The following B3GALT1 variants were observed in gnomAD, a reference collection of about 807,000 sequenced individuals.
B3GALT1 encodes UDP-Gal:betaGlcNAc beta 1,3-galactosyltransferase, polypeptide 1.
B3GALT1 carries 10 observed loss-of-function variants against 23.2 expected under a neutral mutation model. The observed-to-expected ratio is 0.43, with a 90% CI of 0.27 to 0.73. The LOEUF (loss-of-function observed/expected upper bound fraction) is 0.73. Ranked by LOEUF, B3GALT1 falls within the 30% of genes least tolerant of loss-of-function variation. The pLI is 0.21. For missense variants in B3GALT1, 299 were observed against 405.4 expected, an observed-to-expected ratio of 0.74 and a Z score of 2.25; for synonymous variants, 156 against 141.5, an observed-to-expected ratio of 1.10 and a Z score of -0.73.
rs1460614606 is a variant in B3GALT1, at chr2:167,387,166, C to T, written c.-511+93832C>T. On this transcript the variant is annotated intron_variant, in intron 1 of 4. Transcript: ENST00000392690. The stretch of plus-strand genomic sequence containing the variant: ...GGCATTAAAAGATATGGTAGGCTGT[C>T]ATTGTTGTCATTAGCATTTTGATCA... 2.0e-5 allele frequency among the ~76,000 whole-genome samples: 3 copies of T among 152,318 alleles called. 1 individual carries two copies. Among genetic ancestry groups the T allele is most frequent in the Non-Finnish European group, 1.5e-5 (1 of 68,032 alleles).
chr2:167,699,791 C>A (rs1331188996), intron 3 of B3GALT1, among the ~76,000 whole-genome samples: 2 of 152,150 alleles, frequency 1.3e-5, no homozygotes, highest in African/African-American at 4.8e-5. Context: ...CGGCTCACTA[C>A]AACCTCCACC....
chr2:167,785,948 T>G (rs181826857), intron 3 of B3GALT1, among the ~76,000 whole-genome samples: 1 of 152,338 alleles, frequency 6.6e-6, no homozygotes, highest in Admixed American at 6.5e-5. Context: ...AGTAGTAAAC[T>G]CTTAACAACT....
At chr2:167,791,934 G>A (rs1056732139) in intron 3 of B3GALT1, among the ~76,000 whole-genome samples, 2 of 151,542 alleles carry the variant, frequency 1.3e-5, no homozygotes, top group Non-Finnish European at 2.9e-5. Flanking sequence ...GCATGTAATA[G>A]ACATGCAGTA....
intron 3 of B3GALT1, among the ~76,000 whole-genome samples, chr2:167,761,153 G>A (rs1040473555): frequency 5.9e-5 from 9 of 152,172 alleles, no homozygotes; most frequent in African/African-American, 2.2e-4. Context: ...TGATAGTTTA[G>A]CCTGTTATCA....
At chr2:167,553,251 G>A (rs918006454) in intron 2 of B3GALT1, among the ~76,000 whole-genome samples, 1 of 152,158 alleles carries the variant, frequency 6.6e-6, no homozygotes, top group Non-Finnish European at 1.5e-5. Flanking sequence ...AATCAGCATC[G>A]TGGTAGGCTT....
At chr2:167,791,721 A>G (rs11695825) in intron 3 of B3GALT1, among the ~76,000 whole-genome samples, 15,450 of 152,138 alleles carry the variant, frequency 0.1, 1,714 homozygotes, top group East Asian at 0.3. Flanking sequence ...CAAGGCTGCT[A>G]TATTCCTATG....
chr2:167,371,809 G>A (rs889703026), intron 1 of B3GALT1, among the ~76,000 whole-genome samples: 7 of 49,206 alleles, frequency 1.4e-4, no homozygotes, highest in Admixed American at 3.4e-4. Context: ...GAAATATTAA[G>A]ATGATATTTT....
chr2:167,532,854 C>G (rs963622093), intron 2 of B3GALT1, among the ~76,000 whole-genome samples: 3 of 96,462 alleles, frequency 3.1e-5, no homozygotes, highest in African/African-American at 4.2e-5. Flanking sequence ...TTTACTGCAT[C>G]TTTTTTTTTT....
chr2:167,574,443 G>A (rs1377278254), intron 2 of B3GALT1, among the ~76,000 whole-genome samples: 6 of 151,564 alleles, frequency 4.0e-5, no homozygotes, highest in Non-Finnish European at 7.4e-5. Context: ...TTGAAAGAAG[G>A]GCTGATTATT....
intron 2 of B3GALT1, chr2:167,631,535 A>G (rs1685444750): frequency 6.6e-6 from 1 of 151,836 alleles, no homozygotes; most frequent in East Asian, 1.9e-4. Context: ...AAAGAGGCCT[A>G]ATACTAATCT....
At chr2:167,361,580 C>T (rs1231409657) in intron 1 of B3GALT1, among the ~76,000 whole-genome samples, 1 of 152,044 alleles carries the variant, frequency 6.6e-6, no homozygotes, top group Non-Finnish European at 1.5e-5. Context: ...AATCCATGAA[C>T]AAAAACTCCA....
chr2:167,716,612 G>T (rs931333493), intron 3 of B3GALT1, among the ~76,000 whole-genome samples: 2 of 152,244 alleles, frequency 1.3e-5, no homozygotes, highest in Non-Finnish European at 2.9e-5. Context: ...ATATAAGAAA[G>T]GGTCATAGTT....
At chr2:167,645,462 TTGAC>T (rs1233141797) in intron 2 of B3GALT1, among the ~76,000 whole-genome samples, 8 of 152,198 alleles carry the variant, frequency 5.3e-5, no homozygotes, top group East Asian at 1.9e-4. Context: ...AAAGCACTGG[TTGAC>T]TGAAGACTAA....
intron 1 of B3GALT1, among the ~76,000 whole-genome samples, chr2:167,339,463 A>G (rs1423874141): frequency 1.3e-5 from 2 of 151,902 alleles, no homozygotes; most frequent in African/African-American, 4.8e-5. Flanking sequence ...TAAGAAAAGT[A>G]AATACTAAAT....
intron 2 of B3GALT1, among the ~76,000 whole-genome samples, chr2:167,610,382 G>A (rs1685038867): frequency 6.6e-6 from 1 of 152,176 alleles, no homozygotes; most frequent in East Asian, 1.9e-4. Flanking sequence ...GTTCCTTGTA[G>A]AAAACCTATC....
chr2:167,418,493 TA>T (rs1202094308), intron 1 of B3GALT1, among the ~76,000 whole-genome samples: 1 of 151,886 alleles, frequency 6.6e-6, no homozygotes, highest in East Asian at 1.9e-4. Context: ...ATCAGTGCCA[TA>T]AAAAAACAAT....
intron 2 of B3GALT1, among the ~76,000 whole-genome samples, chr2:167,508,448 C>A (rs1294106812): frequency 6.6e-6 from 1 of 151,514 alleles, no homozygotes; most frequent in Non-Finnish European, 1.5e-5. Flanking sequence ...TTAGTAGAGA[C>A]GGGGTTTCAC....
chr2:167,586,904 T>C (rs1042647264), intron 2 of B3GALT1, among the ~76,000 whole-genome samples: 2 of 152,204 alleles, frequency 1.3e-5, no homozygotes, highest in African/African-American at 2.4e-5. Flanking sequence ...TGGATTCATA[T>C]AGGAGAGGAG....
At chr2:167,446,372 G>T (rs1307886731) in intron 1 of B3GALT1, among the ~76,000 whole-genome samples, 1 of 152,000 alleles carries the variant, frequency 6.6e-6, no homozygotes, top group Non-Finnish European at 1.5e-5. Context: ...GAGTATCTTT[G>T]TGGCATTCTC....
Sources: allele counts gnomAD v4.1 joint callset (sites outside exome capture counted in the v4.1 genomes callset), GRCh38; gene constraint gnomAD v4.1.1; transcripts MANE v1.5; gene names NCBI Gene and HGNC (gene_info 2026-07-23, HGNC 2026-07-21).